ABLIM1: variants seen among roughly 807,000 people sequenced by gnomAD.
ABLIM1 encodes the protein actin binding LIM protein 1.
A neutral mutation model predicts 107.0 loss-of-function variants in ABLIM1; 40 were observed. The ratio of observed to expected loss-of-function variants is 0.37; its 90% CI spans 0.29 to 0.49. ABLIM1 has a LOEUF of 0.49. ABLIM1 is among the 20% of genes least tolerant of loss of function. The pLI is 0.97. For missense variants in ABLIM1, 857 were observed against 1,008.5 expected (o/e 0.85, Z 2.04); for synonymous variants, 357 against 357.3 (o/e 1.00, Z 0.01).
Position 114,632,758 on chromosome 10 carries a change from G to A in ABLIM1, c.244+25199C>T, listed in dbSNP as rs74349625. Reference sequence around the variant, plus strand: ...TTCCCCCTTCTCCCTCTGTTTCATCGGAGTTTTTAGACAAGCCCCTTGGAT... The same window carrying A: ...TTCCCCCTTCTCCCTCTGTTTCATCAGAGTTTTTAGACAAGCCCCTTGGAT... On this transcript the variant is annotated intron_variant, in intron 1 of 22. Transcript: ENST00000533213. 2,932 of 985,254 alleles carry A rather than the reference G, an allele frequency of 3.0e-3. 64 individuals are homozygous for A. The African/African-American group carries it at 0.048, about 16-fold the overall frequency. 61.0% of individuals were successfully genotyped at this position (985,254 alleles called of 1,614,324 possible).
At chr10:114,527,702 C>T (rs1430728305) in intron 6 of ABLIM1, among the ~76,000 whole-genome samples, 1 of 139,656 alleles carries the variant, frequency 7.2e-6, no homozygotes, top group African/African-American at 2.9e-5. Context: ...GTCACCCATG[C>T]TAGAGTGCAG....
chr10:114,690,161 G>A, intron 1 of ABLIM1: 1 of 1,377,202 alleles, frequency 7.3e-7, no homozygotes, highest in East Asian at 2.3e-5. Flanking sequence ...GTTGTCCACA[G>A]TCAGCAATGG....
At chr10:114,453,295 A>C in intron 13 of ABLIM1, 84 bp downstream of exon 13, 1 of 1,411,216 alleles carries the variant, frequency 7.1e-7, no homozygotes, top group South Asian at 1.2e-5. Context: ...TTAAAAGAGC[A>C]TGAGAGATGA....
At chr10:114,480,388 T>C (rs917955847) in intron 8 of ABLIM1, among the ~76,000 whole-genome samples, 1 of 152,238 alleles carries the variant, frequency 6.6e-6, no homozygotes, top group African/African-American at 2.4e-5. Context: ...AGCTCACTTC[T>C]ACAGAATAAA....
intron 9 of ABLIM1, 109 bp from the exon 10 acceptor site, chr10:114,473,241 A>G (rs985904621): frequency 6.7e-5 from 70 of 1,051,962 alleles, no homozygotes; most frequent in Non-Finnish European, 8.2e-6. Context: ...AAAATAAACA[A>G]AAACCAAAAC....
rs565322469 is a variant in ABLIM1 at position 114,583,149 on chromosome 10, T to A, written c.380-7550A>T. Among the ~76,000 whole-genome samples the A allele has an allele frequency of 2.0e-5, 3 of 151,560 alleles. No individual in the cohort carries two copies. The South Asian group carries it at 6.3e-4, about 32-fold the overall frequency. ...TCTATTATACAGAATCTATAAGGAA[T>A]TTAATTCTACAAGCAAAAAACAAAT... On this transcript the variant is annotated intron_variant, in intron 2 of 22. Transcript: ENST00000533213.
intron 8 of ABLIM1, among the ~76,000 whole-genome samples, chr10:114,487,051 C>G (rs1411053089): frequency 6.6e-6 from 1 of 152,204 alleles, no homozygotes; most frequent in African/African-American, 2.4e-5. Context: ...CACCCCTTCA[C>G]AAGTCACACA....
At position 114,658,099 on chromosome 10, in the gene ABLIM1, T is replaced by C. The variant is rs2079613296; in HGVS notation, c.102A>G (p.Arg34=). ...TCCGGTCCTCAACAATCAGTCTCTT[T>C]CTGTTCGAGCCCCTGGCACTGGTTC... ...SERTSARGSN[R]KRLIVEDRRV... The change falls in exon 1 of 23, where the codon AGA becomes AGG. Residue 34 remains arginine (R), a synonymous_variant. Coordinates refer to ENST00000533213, the MANE Select transcript of ABLIM1 (RefSeq NM_002313.7). 6.2e-7 allele frequency: 1 copy of C among 1,614,216 alleles called. No individual in the cohort carries two copies. The highest frequency in any genetic ancestry group is 1.3e-5 in the African/African-American group (1 of 75,048).
chr10:114,552,870 T>C (rs1315626605), intron 4 of ABLIM1, among the ~76,000 whole-genome samples: 1 of 152,238 alleles, frequency 6.6e-6, no homozygotes, highest in Non-Finnish European at 1.5e-5. Flanking sequence ...AGCCACTCAA[T>C]AGACTCCCTT....
intron 1 of ABLIM1, among the ~76,000 whole-genome samples, chr10:114,608,500 T>C (rs1240981042): frequency 6.7e-6 from 1 of 150,248 alleles, no homozygotes; most frequent in Admixed American, 6.6e-5. Context: ...AGAAACCCTG[T>C]CTCTACTGAA....
intron 6 of ABLIM1, among the ~76,000 whole-genome samples, chr10:114,530,068 G>A (rs1172339100): frequency 6.6e-6 from 1 of 152,160 alleles, no homozygotes; most frequent in Non-Finnish European, 1.5e-5. Flanking sequence ...GGTGGGCAGA[G>A]GGATGTGTTT....
chr10:114,704,635 G>A (rs1231842275), intron 1 of ABLIM1, among the ~76,000 whole-genome samples: 1 of 151,102 alleles, frequency 6.6e-6, no homozygotes, highest in Non-Finnish European at 1.5e-5. Flanking sequence ...ATTCTAAGGG[G>A]GGTGGGGGTG....
chr10:114,475,168 T>C (rs1480605760), intron 8 of ABLIM1, among the ~76,000 whole-genome samples: 1 of 152,168 alleles, frequency 6.6e-6, no homozygotes, highest in Admixed American at 6.5e-5. Flanking sequence ...ACCTCGTCTC[T>C]CACCTGTCAT....
chr10:114,660,898 A>G (rs568478630), upstream of ABLIM1, among the ~76,000 whole-genome samples: 1 of 152,122 alleles, frequency 6.6e-6, no homozygotes, highest in Admixed American at 6.5e-5. Context: ...AAAAAAGGTA[A>G]CTCTTCCATA....
chr10:114,471,664 T>G (rs2066596179), intron 10 of ABLIM1, among the ~76,000 whole-genome samples: 2 of 151,940 alleles, frequency 1.3e-5, no homozygotes, highest in African/African-American at 2.4e-5. Flanking sequence ...AAAGGAACAA[T>G]ATATATAAAA....
chr10:114,599,676 A>G (rs1379354745), intron 2 of ABLIM1, among the ~76,000 whole-genome samples: 1 of 152,020 alleles, frequency 6.6e-6, no homozygotes, highest in African/African-American at 2.4e-5. Flanking sequence ...AATCCCAGCT[A>G]CTTGGGAGGC....
Position 114,698,408 on chromosome 10 carries a change from T to TAA in ABLIM1, c.-213+69651_-213+69652dup, listed in dbSNP as rs34629916. Reference sequence around the variant, plus strand: ...AGCAAAATAAAGGAGATTAAAAATGTAAAAAAAAAAAAAAAGAATTAAGAG... The same window carrying TAA: ...AGCAAAATAAAGGAGATTAAAAATGTAAAAAAAAAAAAAAAAAGAATTAAGAG... On this transcript the variant is annotated intron_variant, in intron 1 of 15. Transcript: ENST00000651092. Among the ~76,000 whole-genome samples, 8 of 116,936 alleles carry TAA rather than the reference T, an allele frequency of 6.8e-5. No individual in the cohort carries two copies. The East Asian group carries it at 1.0e-3, about 15-fold the overall frequency. 76.7% of individuals were successfully genotyped at this position (116,936 alleles called of 152,430 possible).
chr10:114,657,102 A>C (rs1474823232), intron 1 of ABLIM1, among the ~76,000 whole-genome samples: 1 of 152,268 alleles, frequency 6.6e-6, no homozygotes, highest in Non-Finnish European at 1.5e-5. Flanking sequence ...AGCTGATTGC[A>C]ACAAAACAGA....
Position 114,491,012 on chromosome 10 carries a change from G to GTGTGTGTGTGTGTGTATATA in ABLIM1, c.982+778_982+779insTATATACACACACACACACA. Among the ~76,000 whole-genome samples, 344 of 92,350 alleles carry GTGTGTGTGTGTGTGTATATA rather than the reference G, an allele frequency of 3.7e-3. 3 individuals carry two copies. The highest frequency in any genetic ancestry group is 5.7e-3 in the South Asian group (14 of 2,464). 60.6% of individuals were successfully genotyped at this position (92,350 alleles called of 152,430 possible). ...TGTGTGTGTGTGTGTGTGTGTGTGT[G>GTGTGTGTGTGTGTGTATATA]TATATATATATATGGTCTATTTTAT... On this transcript the variant is annotated intron_variant, in intron 7 of 22. Transcript: ENST00000533213.
Sources: gnomAD v4.1 joint callset for allele counts (sites outside exome capture counted in the v4.1 genomes callset) on GRCh38, gnomAD v4.1.1 for gene constraint, MANE v1.5 for transcripts, NCBI Gene and HGNC (gene_info 2026-07-23, HGNC 2026-07-21) for gene names.